Variants in AKR1E2 observed in about 807,000 individuals in gnomAD.
AKR1E2 encodes aldo-keto reductase family 1 member E2, also known as 1,5-anhydro-D-fructose reductase.
In AKR1E2, 43 loss-of-function variants were observed where a neutral mutation model predicts 41.9. The ratio of observed to expected loss-of-function variants is 1.03; its 90% CI spans 0.80 to 1.32. The LOEUF (loss-of-function observed/expected upper bound fraction) is 1.32. Ranked by LOEUF, AKR1E2 falls within the 40% of genes most tolerant of loss-of-function variation. AKR1E2 has a pLI of 0.00. For missense variants in AKR1E2, 423 were observed against 396.5 expected, an observed-to-expected ratio of 1.07 and a Z score of -0.57; for synonymous variants, 121 against 138.9, an observed-to-expected ratio of 0.87 and a Z score of 0.91.
Position 4,841,809 on chromosome 10 carries a change from C to T in AKR1E2, c.705C>T (p.Asn235=). Residue 235 remains asparagine (N), a synonymous_variant, in exon 7 of 10, where the codon AAC becomes AAT. Coordinates refer to ENST00000298375, the MANE Select transcript of AKR1E2 (RefSeq NM_001040177.3). ...GTGAGGGGGTTGACCTGATAGACAA[C>T]CCTGTGATCAAGAGGATTGCAAAGG... ...GSCEGVDLID[N]PVIKRIAKEH... The T allele has an allele frequency of 1.2e-6, 2 of 1,613,158 alleles. No homozygotes were observed. Among genetic ancestry groups the T allele is most frequent in the East Asian group, 2.2e-5 (1 of 44,826 alleles).
intron 8 of AKR1E2, among the ~76,000 whole-genome samples, chr10:4,844,467 T>A (rs1422468742): frequency 6.6e-6 from 1 of 152,220 alleles, no homozygotes; most frequent in Non-Finnish European, 1.5e-5. Flanking sequence ...CAGTGCTGGC[T>A]TGGGCAGCCT....
At chr10:4,851,921 C>T (rs1206800165), downstream of AKR1E2, among the ~76,000 whole-genome samples, 1 of 152,074 alleles carries the variant, frequency 6.6e-6, no homozygotes. Flanking sequence ...TGTTGATTCC[C>T]GAGAAGATAG....
At chr10:4,840,510 C>T (rs1468295246) in intron 6 of AKR1E2, among the ~76,000 whole-genome samples, 1 of 152,176 alleles carries the variant, frequency 6.6e-6, no homozygotes, top group African/African-American at 2.4e-5. Flanking sequence ...TCTTTCCTTT[C>T]CTATGATCCT....
intron 2 of AKR1E2, among the ~76,000 whole-genome samples, chr10:4,832,655 C>T (rs1833062126): frequency 6.6e-6 from 1 of 152,198 alleles, no homozygotes; most frequent in Admixed American, 6.5e-5. Context: ...CATTTACTTC[C>T]AGCATTCATT....
At chr10:4,825,039 G>T (rs945055494), upstream of AKR1E2, 3 of 455,466 alleles carry the variant, frequency 6.6e-6, no homozygotes, top group Admixed American at 2.3e-5. Context: ...CCGTGCACAG[G>T]TGAGTGCTCC....
chr10:4,868,447 T>C, the AKR1E2 span, among the ~76,000 whole-genome samples: 1 of 152,182 alleles, frequency 6.6e-6, no homozygotes, highest in Non-Finnish European at 1.5e-5. Flanking sequence ...GAACCTCTAG[T>C]CAGTTATCTT....
chr10:4,845,607 A>G (rs1477488021), intron 8 of AKR1E2, among the ~76,000 whole-genome samples: 2 of 151,876 alleles, frequency 1.3e-5, no homozygotes, highest in South Asian at 2.1e-4. Context: ...TGACCCTCCC[A>G]TGGGAGGAGC....
the AKR1E2 span, among the ~76,000 whole-genome samples, chr10:4,858,553 A>G: frequency 6.6e-6 from 1 of 152,322 alleles, no homozygotes; most frequent in Admixed American, 6.5e-5. Context: ...ACAGAGAGAA[A>G]GTGTGTGGAA....
chr10:4,866,299 C>G, the AKR1E2 span, among the ~76,000 whole-genome samples: 1 of 152,172 alleles, frequency 6.6e-6, no homozygotes, highest in Non-Finnish European at 1.5e-5. Flanking sequence ...AAAGAGAGGA[C>G]GCGTAGCACT....
intron 8 of AKR1E2, among the ~76,000 whole-genome samples, chr10:4,844,466 C>G (rs1186696596): frequency 6.6e-6 from 1 of 152,206 alleles, no homozygotes; most frequent in Non-Finnish European, 1.5e-5. Flanking sequence ...CCAGTGCTGG[C>G]TTGGGCAGCC....
downstream of AKR1E2, among the ~76,000 whole-genome samples, chr10:4,848,268 G>A (rs1285062272): frequency 6.6e-6 from 1 of 152,164 alleles, no homozygotes; most frequent in African/African-American, 2.4e-5. Flanking sequence ...GATTATACCT[G>A]GGGAACCCCC....
the AKR1E2 span, among the ~76,000 whole-genome samples, chr10:4,860,995 G>A: frequency 0.26 from 39,265 of 152,042 alleles, 5,286 homozygotes; most frequent in Middle Eastern, 0.37. Flanking sequence ...AGTCCCCTTT[G>A]CCATTTGTAT....
chr10:4,831,934 G>A (rs1158460009), intron 2 of AKR1E2, among the ~76,000 whole-genome samples: 1 of 152,212 alleles, frequency 6.6e-6, no homozygotes, highest in Non-Finnish European at 1.5e-5. Context: ...CAGGAGGCCA[G>A]GTAGGAGACA....
chr10:4,836,822 G>T (rs1833463734), intron 4 of AKR1E2, among the ~76,000 whole-genome samples: 1 of 152,218 alleles, frequency 6.6e-6, no homozygotes, highest in African/African-American at 2.4e-5. Context: ...GTAACTAACT[G>T]CTGCGTGTTG....
chr10:4,835,091 A>G (rs547295890), intron 3 of AKR1E2, among the ~76,000 whole-genome samples: 1 of 152,338 alleles, frequency 6.6e-6, no homozygotes, highest in Admixed American at 6.5e-5. Context: ...AAACATGCCT[A>G]TGCCATTCAC....
At chr10:4,827,190 G>A (rs1378653054) in intron 1 of AKR1E2, among the ~76,000 whole-genome samples, 1 of 152,100 alleles carries the variant, frequency 6.6e-6, no homozygotes, top group Non-Finnish European at 1.5e-5. Flanking sequence ...TGATGCCTGA[G>A]ACATATAATC....
At chr10:4,832,915 A>G (rs1259721079) in intron 2 of AKR1E2, among the ~76,000 whole-genome samples, 9 of 152,232 alleles carry the variant, frequency 5.9e-5, no homozygotes, top group South Asian at 2.1e-4. Flanking sequence ...TAACTCACCT[A>G]TAGGCTAACC....
At chr10:4,866,485 C>T in the AKR1E2 span, among the ~76,000 whole-genome samples, 1 of 152,214 alleles carries the variant, frequency 6.6e-6, no homozygotes, top group Non-Finnish European at 1.5e-5. Context: ...AGGGGTTCAC[C>T]TTGCTTGCTG....
chr10:4,830,741 T>C lies in AKR1E2; in HGVS notation c.106T>C (p.Cys36Arg), dbSNP rs1463298734. Residue 36 changes from cysteine (C) to arginine (R), a missense_variant, in exon 2 of 10, where the codon TGT (cysteine) becomes CGT (arginine). Cys to Arg is a radical substitution (Grantham distance 180). Coordinates refer to ENST00000298375, the MANE Select transcript of AKR1E2 (RefSeq NM_001040177.3). ...AIDAGYRHFD[C>R]AYFYHNEREV... is the part of the protein sequence containing the mutation. ...TGACGCAGGGTACCGGCACTTCGACTGTGCTTACTTTTACCACAATGAGAG... is the reference window on the plus strand; with the variant it reads ...TGACGCAGGGTACCGGCACTTCGACCGTGCTTACTTTTACCACAATGAGAG... 6.2e-7 allele frequency: 1 copy of C among 1,614,120 alleles called. No homozygotes were observed. Among genetic ancestry groups the C allele is most frequent in the South Asian group, 1.1e-5 (1 of 91,080 alleles).
Sources: allele counts gnomAD v4.1 joint callset (sites outside exome capture counted in the v4.1 genomes callset), GRCh38; gene constraint gnomAD v4.1.1; transcripts MANE v1.5; gene names NCBI Gene and HGNC (gene_info 2026-07-23, HGNC 2026-07-21).